STAG3: variants seen among roughly 807,000 people sequenced by gnomAD.
STAG3 encodes the protein cohesin subunit SA-3.
Under a neutral mutation model 160.7 loss-of-function variants are expected in STAG3, and 101 were observed. That is an observed-to-expected ratio of 0.63 (90% CI 0.54 to 0.74). The LOEUF is 0.74. Ranked by LOEUF, STAG3 falls within the 30% of genes least tolerant of loss-of-function variation. The pLI, the probability that STAG3 is intolerant of heterozygous loss-of-function variation, is 0.00. For synonymous variants in STAG3, 519 were observed against 585.0 expected (o/e 0.89, Z 1.63); for missense variants, 1,188 against 1,517.4 (o/e 0.78, Z 3.61).
In STAG3 at chr7:100,182,725, G is replaced by T. The variant is rs200625072; in HGVS notation, c.222G>T (p.Val74=). Residue 74 remains valine, a splice_region_variant and synonymous_variant, in exon 4 of 34, where the codon GTG becomes GTT. Coordinates refer to ENST00000615138, the MANE Select transcript of STAG3 (RefSeq NM_001282717.2). ...AAKRPPKTTP[V]AKHPKKGSRV... The stretch of plus-strand genomic sequence containing the variant: ...TCTGATCTTTTTATACATATTAGGT[G>T]GCAAAACATCCAAAGAAAGGGTCCC... 2.7e-5 allele frequency: 44 copies of T among 1,612,944 alleles called. No individual in the cohort carries two copies. Among genetic ancestry groups the T allele is most frequent in the East Asian group, 4.5e-5 (2 of 44,864 alleles).
intron 20 of STAG3, 47 bp from the exon 21 acceptor site, chr7:100,201,216 GT>G (rs761189201): frequency 1.6e-5 from 26 of 1,613,692 alleles, no homozygotes; most frequent in South Asian, 8.8e-5. Flanking sequence ...TGTGGAGTTG[GT>G]TCCCTCTGTT....
chr7:100,178,770 G>A (rs1344766275), intron 1 of STAG3, among the ~76,000 whole-genome samples: 3 of 151,706 alleles, frequency 2.0e-5, no homozygotes, highest in Admixed American at 2.0e-4. Flanking sequence ...CCAGTTTCTG[G>A]TGTCTGTAAT....
At chr7:100,179,168 A>G (rs1290874962) in intron 1 of STAG3, among the ~76,000 whole-genome samples, 2 of 133,050 alleles carry the variant, frequency 1.5e-5, no homozygotes, top group East Asian at 2.3e-4. Context: ...TTTAATTATG[A>G]GTTAAATTCC....
At position 100,199,028 on chromosome 7, in the gene STAG3, G is replaced by A. The variant is rs1445281790; in HGVS notation, c.1467+71G>A. ...AAGTGGGCTGGGGTTGGTGGCTCAC[G>A]CCTGTAAGCCCAGCACTTTGGGAGG... On this transcript the variant is annotated intron_variant, in intron 14 of 33. Coordinates refer to ENST00000615138, the MANE Select transcript of STAG3 (RefSeq NM_001282717.2). 2.3e-5 allele frequency: 32 copies of A among 1,383,586 alleles called. 1 individual carries two copies. The highest frequency in any genetic ancestry group is 1.4e-4 in the South Asian group (12 of 86,004). The allele number at this position is 1,383,586 out of a possible 1,614,324, so 85.7% of individuals were successfully genotyped here. A position where few individuals can be genotyped will look rare whatever the true frequency, so the allele number is the denominator to read the frequency against.
Position 100,205,043 on chromosome 7 carries a change from C to G in STAG3, c.2990C>G (p.Ala997Gly). The G allele has an allele frequency of 6.2e-7, 1 of 1,614,158 alleles. No individual in the cohort carries two copies. Among genetic ancestry groups the G allele is most frequent in the Non-Finnish European group, 8.5e-7 (1 of 1,180,000 alleles). The change falls in exon 28 of 34, where the codon GCT becomes GGT. Residue 997 changes from alanine to glycine, a missense_variant. By Grantham distance (60) the Ala-to-Gly change is moderately conservative. This residue lies in a region of STAG3 where 647 missense variants were observed against 717.2 expected (regional missense o/e 0.90). Coordinates refer to ENST00000615138, the MANE Select transcript of STAG3 (RefSeq NM_001282717.2). ...IQFSLSELPP[A>G]GSSNQPPNLA... Reference sequence around the variant, plus strand: ...TTCTCCTTGTCTGAGCTTCCTCCAGCTGGCTCCTCCAATCAGCCTCCAAAT... The same window carrying G: ...TTCTCCTTGTCTGAGCTTCCTCCAGGTGGCTCCTCCAATCAGCCTCCAAAT...
chr7:100,205,772 G>A lies in STAG3; in HGVS notation c.3238+388G>A, dbSNP rs887114117. ...TTGAACCCGGGAGGCGGAGGTTGCCGTGAGCTGAGATTGCGCGACTGCACC... is the reference window on the plus strand; with the variant it reads ...TTGAACCCGGGAGGCGGAGGTTGCCATGAGCTGAGATTGCGCGACTGCACC... On this transcript the variant is annotated intron_variant, in intron 29 of 33. Transcript: ENST00000615138. Among the ~76,000 whole-genome samples the A allele has an allele frequency of 1.5e-4, 23 of 151,414 alleles. 1 individual carries two copies. Among genetic ancestry groups the A allele is most frequent in the African/African-American group, 4.9e-4 (20 of 41,192 alleles).
intron 4 of STAG3, among the ~76,000 whole-genome samples, chr7:100,184,577 C>T (rs543867641): frequency 6.9e-6 from 1 of 145,300 alleles, no homozygotes; most frequent in East Asian, 2.3e-4. Context: ...ACATGATTCT[C>T]CTGCCTCAGC....
At chr7:100,196,171 C>T (rs1800675826) in intron 9 of STAG3, among the ~76,000 whole-genome samples, 1 of 152,086 alleles carries the variant, frequency 6.6e-6, no homozygotes. Flanking sequence ...AGATGTTTCT[C>T]ACTCTTACCT....
chr7:100,215,789 G>A (rs543980681), downstream of STAG3, among the ~76,000 whole-genome samples: 2 of 152,270 alleles, frequency 1.3e-5, no homozygotes, highest in East Asian at 1.9e-4. Flanking sequence ...CTGGGTCTAG[G>A]TTGTCTCCTC....
rs1334074759 is a variant in STAG3 at position 100,201,785 on chromosome 7, G to T, written c.2221-1G>T. ...ATTTTTCAAACCCTTTGTTGTTACA[G>T]GTTATCCTGCCAGCCTTGACTCTTG... On this transcript the variant is annotated splice_acceptor_variant, in intron 21 of 33. Coordinates refer to ENST00000615138, the MANE Select transcript of STAG3 (RefSeq NM_001282717.2). LOFTEE classifies it high-confidence loss of function. 18 of 1,613,976 alleles carry T rather than the reference G, an allele frequency of 1.1e-5. No individual in the cohort carries two copies. Among genetic ancestry groups the T allele is most frequent in the Non-Finnish European group, 1.4e-5 (17 of 1,180,004 alleles).
intron 29 of STAG3, 45 bp downstream of exon 29, chr7:100,205,429 T>C (rs1015162895): frequency 1.3e-6 from 2 of 1,540,640 alleles, no homozygotes; most frequent in African/African-American, 1.4e-5. Flanking sequence ...CAGGTGGTCG[T>C]TGGCTGCCTG....
intron 12 of STAG3, 28 bp from the exon 13 acceptor site, chr7:100,198,447 C>T: frequency 6.2e-7 from 1 of 1,610,206 alleles, no homozygotes; most frequent in Non-Finnish European, 8.5e-7. Context: ...TCCCTATTCA[C>T]ATACTCTTTC....
chr7:100,200,716 G>A (rs1202434933), intron 18 of STAG3, 53 bp from the exon 19 acceptor site: 5 of 1,593,322 alleles, frequency 3.1e-6, no homozygotes, highest in Admixed American at 1.7e-5. Context: ...CCCGCCAGAA[G>A]AGTGTCCTCC....
chr7:100,192,833 C>T (rs1431227491), intron 8 of STAG3, among the ~76,000 whole-genome samples: 2 of 152,226 alleles, frequency 1.3e-5, no homozygotes, highest in Non-Finnish European at 2.9e-5. Context: ...TTAATCAGTC[C>T]TCCCACCTCA....
At chr7:100,180,023 C>T (rs1214223571) in intron 1 of STAG3, among the ~76,000 whole-genome samples, 1 of 152,148 alleles carries the variant, frequency 6.6e-6, no homozygotes, top group African/African-American at 2.4e-5. Flanking sequence ...GCATGAGTCA[C>T]TGTGCCCAGC....
intron 25 of STAG3, 69 bp downstream of exon 25, chr7:100,202,659 A>G (rs1027691173): frequency 2.6e-6 from 4 of 1,561,442 alleles, no homozygotes; most frequent in Non-Finnish European, 3.5e-6. Flanking sequence ...TTGGAAACAT[A>G]ATAGCACTAC....
chr7:100,188,796 A>T lies in STAG3; in HGVS notation c.511-16A>T. On this transcript the variant is annotated splice_polypyrimidine_tract_variant and intron_variant, in intron 6 of 33. Coordinates refer to ENST00000615138, the MANE Select transcript of STAG3 (RefSeq NM_001282717.2). Reference sequence around the variant, plus strand: ...TGGTAATAACTTTCCCATCCTTTTCATACATCCTTTTGTAGGACTCGGGGG... The same window carrying T: ...TGGTAATAACTTTCCCATCCTTTTCTTACATCCTTTTGTAGGACTCGGGGG... 6.2e-7 allele frequency: 1 copy of T among 1,613,774 alleles called. No individual in the cohort carries two copies. The highest frequency in any genetic ancestry group is 1.1e-5 in the South Asian group (1 of 91,064).
chr7:100,199,820 C>A (rs1298476877), intron 16 of STAG3, among the ~76,000 whole-genome samples, 176 bp downstream of exon 16: 3 of 151,360 alleles, frequency 2.0e-5, no homozygotes, highest in Non-Finnish European at 4.4e-5. Flanking sequence ...CTTTGGGAGG[C>A]TGAGGCAGGC....
intron 1 of STAG3, among the ~76,000 whole-genome samples, chr7:100,178,932 G>A (rs192533110): frequency 6.4e-4 from 97 of 151,862 alleles, no homozygotes; most frequent in African/African-American, 2.3e-3. Flanking sequence ...GGGCTCAGGC[G>A]ATCGTCCCGC....
Sources: allele counts gnomAD v4.1 joint callset (sites outside exome capture counted in the v4.1 genomes callset), GRCh38; gene constraint gnomAD v4.1.1; regional missense constraint gnomAD v4.1.1; transcripts MANE v1.5; gene names NCBI Gene and HGNC (gene_info 2026-07-23, HGNC 2026-07-21).